Variants in PARN observed in about 807,000 individuals in gnomAD.
The protein encoded by PARN is poly(A)-specific ribonuclease PARN.
PARN carries 71 observed loss-of-function variants against 102.8 expected under a neutral mutation model. The ratio of observed to expected loss-of-function variants is 0.69; its 90% CI spans 0.57 to 0.84. The LOEUF is 0.84. PARN is among the 40% of genes least tolerant of loss of function. The pLI is 0.00. For missense variants in PARN, 782 were observed against 760.9 expected (o/e 1.03, Z -0.33); for synonymous variants, 261 against 252.9 (o/e 1.03, Z -0.30).
At chr16:14,572,605 G>A (rs753782953) in intron 18 of PARN, among the ~76,000 whole-genome samples, 9 of 152,060 alleles carry the variant, frequency 5.9e-5, no homozygotes, top group Non-Finnish European at 1.0e-4. Flanking sequence ...ACACTGCTGC[G>A]TTATATTCAT....
chr16:14,584,681 A>G, intron 15 of PARN, 68 bp downstream of exon 15: 1 of 1,112,438 alleles, frequency 9.0e-7, no homozygotes, highest in Admixed American at 2.3e-5. Flanking sequence ...CCAGAAGGCT[A>G]TATTGTTCTG....
chr16:14,628,267 T>C lies in PARN; in HGVS notation c.98-16A>G. On this transcript the variant is annotated splice_polypyrimidine_tract_variant and intron_variant, in intron 2 of 23. Transcript: ENST00000437198. The stretch of plus-strand genomic sequence containing the variant: ...TCACTGATTCCTAGATTTTAAGAAA[T>C]AAAAATTTTTAGCTTACTAATAAAT... The C allele has an allele frequency of 6.7e-7, 1 of 1,482,666 alleles. No homozygotes were observed. Among genetic ancestry groups the C allele is most frequent in the Non-Finnish European group, 9.4e-7 (1 of 1,069,044 alleles). 91.8% of individuals were successfully genotyped at this position (1,482,666 alleles called of 1,614,324 possible).
chr16:14,565,883 T>C (rs1306027367), intron 18 of PARN, among the ~76,000 whole-genome samples: 1 of 152,188 alleles, frequency 6.6e-6, no homozygotes, highest in Non-Finnish European at 1.5e-5. Context: ...AAACAGTCAA[T>C]GCAGGTGACA....
At chr16:14,600,619 G>A (rs1970812806) in intron 11 of PARN, among the ~76,000 whole-genome samples, 1 of 151,968 alleles carries the variant, frequency 6.6e-6, no homozygotes, top group Non-Finnish European at 1.5e-5. Flanking sequence ...CACTGAAATT[G>A]CTCACCTCCT....
intron 21 of PARN, among the ~76,000 whole-genome samples, chr16:14,543,552 T>A (rs1275344712): frequency 6.6e-6 from 1 of 152,240 alleles, no homozygotes; most frequent in Non-Finnish European, 1.5e-5. Flanking sequence ...GGAATGGTTG[T>A]AAATGAACCT....
chr16:14,565,436 AAAAC>A (rs1968372293), intron 18 of PARN, among the ~76,000 whole-genome samples: 1 of 152,206 alleles, frequency 6.6e-6, no homozygotes, highest in African/African-American at 2.4e-5. Context: ...AAGGAAGAAA[AAAAC>A]AAAACCAGCA....
At chr16:14,440,562 T>C (rs1370986521) in intron 23 of PARN, among the ~76,000 whole-genome samples, 2 of 152,244 alleles carry the variant, frequency 1.3e-5, no homozygotes, top group African/African-American at 2.4e-5. Context: ...CAAATATTTA[T>C]AGCAGCTTGA....
In PARN at chr16:14,613,909, C is replaced by G. The variant is rs180744988; in HGVS notation, c.389-3100G>C. On this transcript the variant is annotated intron_variant, in intron 6 of 23. Coordinates refer to ENST00000437198, the MANE Select transcript of PARN (RefSeq NM_002582.4). Reference sequence around the variant, plus strand: ...AGTCAACAGATTGCTGAAATAGGTACCAGAGCAAGTGAATCAGAAGCATGA... The same window carrying G: ...AGTCAACAGATTGCTGAAATAGGTAGCAGAGCAAGTGAATCAGAAGCATGA... Among the ~76,000 whole-genome samples, 407 of 152,028 alleles carry G rather than the reference C, an allele frequency of 2.7e-3. 1 individual carries two copies. Among genetic ancestry groups the G allele is most frequent in the Admixed American group, 7.5e-3 (115 of 15,268 alleles).
intron 18 of PARN, among the ~76,000 whole-genome samples, chr16:14,570,385 C>T (rs1031969492): frequency 8.1e-5 from 12 of 147,272 alleles, no homozygotes; most frequent in Admixed American, 6.8e-4. Context: ...CCCTGTGGCT[C>T]ATGCCTGCTG....
intron 21 of PARN, among the ~76,000 whole-genome samples, chr16:14,539,345 G>A (rs1026850990): frequency 2.0e-5 from 3 of 152,298 alleles, no homozygotes; most frequent in African/African-American, 7.2e-5. Flanking sequence ...CACAACAGCC[G>A]CTTTAATGCT....
chr16:14,452,281 C>T (rs1961496557), intron 22 of PARN, among the ~76,000 whole-genome samples: 1 of 152,244 alleles, frequency 6.6e-6, no homozygotes, highest in African/African-American at 2.4e-5. Context: ...GCAACAGGGA[C>T]TCTGCCAGAT....
intron 21 of PARN, among the ~76,000 whole-genome samples, chr16:14,521,524 C>A (rs959737606): frequency 6.6e-6 from 1 of 152,226 alleles, no homozygotes; most frequent in Non-Finnish European, 1.5e-5. Context: ...ACGGGCCGGG[C>A]ACGGTGGCTC....
chr16:14,566,669 G>A (rs1364700953), intron 18 of PARN, among the ~76,000 whole-genome samples: 1 of 152,134 alleles, frequency 6.6e-6, no homozygotes, highest in Non-Finnish European at 1.5e-5. Context: ...ATACATCCAA[G>A]GGTTGACTGA....
At chr16:14,600,679 C>T (rs547102672) in intron 11 of PARN, among the ~76,000 whole-genome samples, 2 of 152,110 alleles carry the variant, frequency 1.3e-5, no homozygotes, top group African/African-American at 2.4e-5. Flanking sequence ...GCCTGTAATC[C>T]GAGCACTTTG....
intron 21 of PARN, chr16:14,501,456 A>AAAAAAAAAAAAAAAAAAAAAAAAAC (rs1567326878): frequency 6.9e-6 from 1 of 144,466 alleles, no homozygotes; most frequent in Non-Finnish European, 1.5e-5. Context: ...AAAAAAAAAA[A>AAAAAAAAAAAAAAAAAAAAAAAAAC]AAAACAGAAA....
Position 14,612,719 on chromosome 16 carries a change from T to A in PARN, c.389-1910A>T, listed in dbSNP as rs1322291323. On this transcript the variant is annotated intron_variant, in intron 6 of 23. Transcript: ENST00000437198. ...TTCAGGCAATTCTCCCGCCTCAGCCTCCCAAGTTGCTGGGATTACAGGCGC... is the reference window on the plus strand; with the variant it reads ...TTCAGGCAATTCTCCCGCCTCAGCCACCCAAGTTGCTGGGATTACAGGCGC... 2.6e-5 allele frequency among the ~76,000 whole-genome samples: 4 copies of A among 151,742 alleles called. No homozygotes were observed. In the South Asian group the frequency reaches 8.3e-4, roughly 31 times the overall value.
At chr16:14,523,929 A>G (rs1965867431) in intron 21 of PARN, among the ~76,000 whole-genome samples, 1 of 152,108 alleles carries the variant, frequency 6.6e-6, no homozygotes, top group African/African-American at 2.4e-5. Flanking sequence ...GCTATACAGT[A>G]TAGCCTATTG....
intron 5 of PARN, 134 bp downstream of exon 5, chr16:14,626,972 C>T (rs764632446): frequency 2.0e-5 from 13 of 640,984 alleles, no homozygotes; most frequent in Non-Finnish European, 3.6e-5. Context: ...AATTTATTAC[C>T]CTAAAACTGA....
At chr16:14,579,337 T>C (rs991744411) in intron 18 of PARN, among the ~76,000 whole-genome samples, 4 of 152,230 alleles carry the variant, frequency 2.6e-5, no homozygotes, top group African/African-American at 9.6e-5. Context: ...ACTGATAAAC[T>C]AGATGCAGCC....
Sources: allele counts gnomAD v4.1 joint callset (sites outside exome capture counted in the v4.1 genomes callset), GRCh38; gene constraint gnomAD v4.1.1; transcripts MANE v1.5; gene names NCBI Gene and HGNC (gene_info 2026-07-23, HGNC 2026-07-21).